PALLD: variants seen among roughly 807,000 people sequenced by gnomAD.
PALLD encodes palladin, cytoskeletal associated protein.
In PALLD, 61 loss-of-function variants were observed where a neutral mutation model predicts 123.5. The observed-to-expected ratio is 0.49, with a 90% CI of 0.40 to 0.61. The LOEUF (loss-of-function observed/expected upper bound fraction) is 0.61, where lower values mean the gene tolerates loss of function less well. Ranked by LOEUF, PALLD falls within the 20% of genes least tolerant of loss-of-function variation. The pLI, the probability that PALLD is intolerant of heterozygous loss-of-function variation, is 0.00. For missense variants in PALLD, 1,273 were observed against 1,377.0 expected, an observed-to-expected ratio of 0.92 and a Z score of 1.20; for synonymous variants, 465 against 496.4, an observed-to-expected ratio of 0.94 and a Z score of 0.84.
In PALLD at chr4:168,925,039, G is replaced by A. The variant is rs1762301349; in HGVS notation, c.3319G>A (p.Ala1107Thr). The A allele has an allele frequency of 1.2e-6, 2 of 1,614,036 alleles. No individual in the cohort carries two copies. The highest frequency in any genetic ancestry group is 1.7e-6 in the Non-Finnish European group (2 of 1,180,012). Residue 1107 changes from alanine to threonine, a missense_variant, in exon 20 of 22, where the codon GCA becomes ACA. Transcript: ENST00000505667. The stretch of plus-strand genomic sequence containing the variant: ...GTATACTGTGTCAGCCAAGAATGAA[G>A]CAGGGATTGTGTCCTGTACTGCCAG... ...GWYTVSAKNE[A>T]GIVSCTARLD...
At chr4:168,879,410 A>T (rs980989253) in intron 10 of PALLD, among the ~76,000 whole-genome samples, 15 of 152,196 alleles carry the variant, frequency 9.9e-5, no homozygotes, top group Non-Finnish European at 1.8e-4. Flanking sequence ...TTAAGCCAGC[A>T]CCCATATCTC....
chr4:168,577,923 A>T (rs1417577165), intron 2 of PALLD, among the ~76,000 whole-genome samples: 1 of 151,570 alleles, frequency 6.6e-6, no homozygotes, highest in Non-Finnish European at 1.5e-5. Context: ...TCGATAAGAG[A>T]GGACACATGA....
chr4:168,553,148 A>T (rs1163226311), intron 2 of PALLD, among the ~76,000 whole-genome samples: 1 of 152,170 alleles, frequency 6.6e-6, no homozygotes. Flanking sequence ...ACCCAAGCTT[A>T]CTTAGCCAGT....
At chr4:168,679,271 G>A (rs1178470262) in intron 3 of PALLD, among the ~76,000 whole-genome samples, 2 of 108,308 alleles carry the variant, frequency 1.8e-5, no homozygotes, top group Non-Finnish European at 1.9e-5. Flanking sequence ...TGGGGTGTGT[G>A]TGGTGGGGTG....
intron 10 of PALLD, among the ~76,000 whole-genome samples, chr4:168,719,442 T>G (rs913869047): frequency 4.6e-5 from 7 of 151,838 alleles, no homozygotes; most frequent in Non-Finnish European, 1.0e-4. Context: ...GTACTTTTAG[T>G]AGAGACGAGG....
chr4:168,634,272 G>A lies in PALLD; in HGVS notation c.909-33918G>A, dbSNP rs181531983. 1.6e-4 allele frequency among the ~76,000 whole-genome samples: 25 copies of A among 152,296 alleles called. 1 individual carries two copies. The highest frequency in any genetic ancestry group is 5.5e-4 in the African/African-American group (23 of 41,562). Reference sequence around the variant, plus strand: ...TAAAATGTAATGACATAAACTTCGAGCTTTCCTGGCTTTTCAATTTCCAAG... The same window carrying A: ...TAAAATGTAATGACATAAACTTCGAACTTTCCTGGCTTTTCAATTTCCAAG... On this transcript the variant is annotated intron_variant, in intron 2 of 21. Transcript: ENST00000505667.
intron 10 of PALLD, among the ~76,000 whole-genome samples, chr4:168,808,019 T>G (rs1740488152): frequency 6.6e-6 from 1 of 152,036 alleles, no homozygotes; most frequent in Non-Finnish European, 1.5e-5. Context: ...AGATTTTGTT[T>G]TAAGAGAAGA....
At chr4:168,791,993 G>A (rs1234669664) in intron 10 of PALLD, among the ~76,000 whole-genome samples, 1 of 152,088 alleles carries the variant, frequency 6.6e-6, no homozygotes, top group Non-Finnish European at 1.5e-5. Flanking sequence ...ACTTAGTACT[G>A]AACAGTCATT....
intron 10 of PALLD, among the ~76,000 whole-genome samples, chr4:168,728,653 A>G (rs755231580): frequency 3.9e-5 from 6 of 152,198 alleles, no homozygotes; most frequent in Non-Finnish European, 8.8e-5. Flanking sequence ...CAGTGAAAAG[A>G]GATAATTTGA....
chr4:168,502,253 AAG>A (rs1761488121), intron 1 of PALLD, among the ~76,000 whole-genome samples: 1 of 152,234 alleles, frequency 6.6e-6, no homozygotes, highest in African/African-American at 2.4e-5. Flanking sequence ...ATCCGTGTGA[AAG>A]AGTCATCAAA....
In PALLD at chr4:168,608,498, T is replaced by C. The variant is rs561320986; in HGVS notation, c.909-59692T>C. Among the ~76,000 whole-genome samples, 10 of 152,328 alleles carry C rather than the reference T, an allele frequency of 6.6e-5. No homozygotes were observed. In the South Asian group the frequency reaches 2.1e-3, roughly 32 times the overall value. ...TATCCAAAATTCTTGCAATACATAA[T>C]GTAAGCGTTCATTGAAGTTTCTTGA... On this transcript the variant is annotated intron_variant, in intron 2 of 21. Coordinates refer to ENST00000505667, the MANE Select transcript of PALLD (RefSeq NM_001166108.2).
intron 10 of PALLD, among the ~76,000 whole-genome samples, chr4:168,734,014 CG>C (rs1448524420): frequency 2.6e-5 from 4 of 152,296 alleles, no homozygotes; most frequent in South Asian, 2.1e-4. Context: ...GGATTACAGG[CG>C]TTGAGCCACC....
chr4:168,651,015 G>C (rs1777986729), intron 2 of PALLD, among the ~76,000 whole-genome samples: 3 of 152,124 alleles, frequency 2.0e-5, no homozygotes, highest in Admixed American at 1.3e-4. Flanking sequence ...TTGCTCACAA[G>C]GGGTTTGGAA....
chr4:168,833,551 C>T lies in PALLD; in HGVS notation c.1965-57371C>T, dbSNP rs905127724. Among the ~76,000 whole-genome samples, 7 of 152,038 alleles carry T rather than the reference C, an allele frequency of 4.6e-5. No homozygotes were observed. The South Asian group carries it at 1.5e-3, about 32-fold the overall frequency. Reference sequence around the variant, plus strand: ...TGGTTCATAAGCCTTGAAAAGCTCCCCTCCGCCAGGTTAAGGAATGGTGTC... The same window carrying T: ...TGGTTCATAAGCCTTGAAAAGCTCCTCTCCGCCAGGTTAAGGAATGGTGTC... On this transcript the variant is annotated intron_variant, in intron 10 of 21. Transcript: ENST00000505667.
At chr4:168,917,045 T>TG (rs34363729) in intron 17 of PALLD, among the ~76,000 whole-genome samples, 18,821 of 135,986 alleles carry the variant, frequency 0.14, 1,831 homozygotes, top group African/African-American at 0.23. Context: ...TTTGTTTTTT[T>TG]GGGGTTTTTT....
intron 2 of PALLD, among the ~76,000 whole-genome samples, chr4:168,612,564 T>A (rs563980767): frequency 2.0e-5 from 3 of 152,338 alleles, no homozygotes; most frequent in African/African-American, 7.2e-5. Context: ...AAGGTACAGC[T>A]GTGCATTGTT....
At chr4:168,835,000 C>G (rs1225203016) in intron 10 of PALLD, among the ~76,000 whole-genome samples, 2 of 152,198 alleles carry the variant, frequency 1.3e-5, no homozygotes, top group African/African-American at 4.8e-5. Context: ...TCATACTGCT[C>G]AAGGTGCTGA....
Position 168,666,959 on chromosome 4 carries a change from G to A in PALLD, c.909-1231G>A, listed in dbSNP as rs117597878. On this transcript the variant is annotated intron_variant, in intron 2 of 21. Transcript: ENST00000505667. ...GAATCAAGAAATACTGTCCTGCTCCGTTGCCCCCAAAATAATATGGTTTGC... is the reference window on the plus strand; with the variant it reads ...GAATCAAGAAATACTGTCCTGCTCCATTGCCCCCAAAATAATATGGTTTGC... Among the ~76,000 whole-genome samples, 176 of 152,194 alleles carry A rather than the reference G, an allele frequency of 1.2e-3. 3 individuals carry two copies. The East Asian group carries it at 0.031, about 27-fold the overall frequency.
intron 8 of PALLD, among the ~76,000 whole-genome samples, chr4:168,698,020 T>C (rs544816505): frequency 2.1e-4 from 32 of 152,324 alleles, no homozygotes; most frequent in African/African-American, 7.0e-4. Flanking sequence ...ATATACTCGA[T>C]GGAGTACTAT....
Sources: allele counts gnomAD v4.1 joint callset (sites outside exome capture counted in the v4.1 genomes callset), GRCh38; gene constraint gnomAD v4.1.1; transcripts MANE v1.5; gene names NCBI Gene and HGNC (gene_info 2026-07-23, HGNC 2026-07-21).